The following CD164L2 variants were observed in gnomAD, a reference collection of about 807,000 sequenced individuals.
CD164L2 encodes the protein CD164 molecule like 2.
CD164L2 carries 21 observed loss-of-function variants against 23.9 expected under a neutral mutation model. The ratio of observed to expected loss-of-function variants is 0.88; its 90% CI spans 0.62 to 1.27. The LOEUF is 1.27. Ranked by LOEUF, CD164L2 falls within the 50% of genes most tolerant of loss-of-function variation. The pLI is 0.00. For missense variants in CD164L2, 230 were observed against 224.8 expected, an observed-to-expected ratio of 1.02 and a Z score of -0.15; for synonymous variants, 92 against 90.2, an observed-to-expected ratio of 1.02 and a Z score of -0.11.
At position 27,379,467 on chromosome 1, in the gene CD164L2, C is replaced by T. The variant is rs1196514935; in HGVS notation, c.*36G>A. The T allele has an allele frequency of 2.0e-6, 3 of 1,514,924 alleles. No homozygotes were observed. Among genetic ancestry groups the T allele is most frequent in the Admixed American group, 2.0e-5 (1 of 50,934 alleles). The allele number at this position is 1,514,924 out of a possible 1,614,324, so 93.8% of individuals were successfully genotyped here. A position where few individuals can be genotyped will look rare whatever the true frequency, so the allele number is the denominator to read the frequency against. Reference sequence around the variant, plus strand: ...GCCCAGAGGCCACCCTCTGCATCCTCCTTTCCCCTCAGGATGGAGTCCAGG... The same window carrying T: ...GCCCAGAGGCCACCCTCTGCATCCTTCTTTCCCCTCAGGATGGAGTCCAGG... On this transcript the variant is annotated 3_prime_UTR_variant, in exon 6 of 6. Transcript: ENST00000374030.
At chr1:27,379,878 A>C (rs954075249) in intron 5 of CD164L2, 173 bp downstream of exon 5, 3 of 1,502,250 alleles carry the variant, frequency 2.0e-6, no homozygotes, top group Non-Finnish European at 2.6e-6. Context: ...CTGACAAAGG[A>C]AACACCCCAA....
Position 27,382,121 on chromosome 1 carries a change from T to A in CD164L2, c.328+207A>T. ...ACTAGAAGAAGAGCTAACACTCCCA[T>A]CCCCTCCACACACCTGTACTAATTT... is the stretch of plus-strand genomic sequence containing the variant. On this transcript the variant is annotated intron_variant, in intron 3 of 5. Coordinates refer to ENST00000374030, the MANE Select transcript of CD164L2 (RefSeq NM_001330448.1). 3 of 1,508,112 alleles carry A rather than the reference T, an allele frequency of 2.0e-6. No homozygotes were observed. In the Admixed American group the frequency reaches 6.3e-5, roughly 32 times the overall value. 93.4% of individuals were successfully genotyped at this position (1,508,112 alleles called of 1,614,324 possible). A position where few individuals can be genotyped will look rare whatever the true frequency, so the allele number is the denominator to read the frequency against.
chr1:27,381,875 C>CTT, intron 3 of CD164L2, 51 bp from the exon 4 acceptor site: 1 of 1,607,780 alleles, frequency 6.2e-7, no homozygotes, highest in Non-Finnish European at 8.5e-7. Flanking sequence ...CCCCTGACTC[C>CTT]CATCAAGACC....
At position 27,379,421 on chromosome 1, in the gene CD164L2, C is replaced by A; in HGVS notation, c.*82G>T. Reference sequence around the variant, plus strand: ...CGGCCAGAGTTTTTCCCGCCCCCGCCCCCCGCTTACCCACAAGGGTGCCCA... The same window carrying A: ...CGGCCAGAGTTTTTCCCGCCCCCGCACCCCGCTTACCCACAAGGGTGCCCA... On this transcript the variant is annotated 3_prime_UTR_variant, in exon 6 of 6. Coordinates refer to ENST00000374030, the MANE Select transcript of CD164L2 (RefSeq NM_001330448.1). 9.1e-7 allele frequency: 1 copy of A among 1,095,352 alleles called. No homozygotes were observed. Among genetic ancestry groups the A allele is most frequent in the South Asian group, 1.3e-5 (1 of 74,606 alleles). The allele number at this position is 1,095,352 out of a possible 1,614,324, so 67.9% of individuals were successfully genotyped here.
chr1:27,383,219 G>A lies in CD164L2; in HGVS notation c.21C>T (p.Arg7=). 6.5e-7 allele frequency: 1 copy of A among 1,545,964 alleles called. No individual in the cohort carries two copies. Among genetic ancestry groups the A allele is most frequent in the East Asian group, 2.4e-5 (1 of 40,906 alleles). Residue 7 remains arginine (R), a synonymous_variant, in exon 1 of 6, where the codon CGC becomes CGT. Transcript: ENST00000374030. Reference sequence around the variant, plus strand: ...CGCCACAGAGCGCAGTCCGCAAGGCGCGGGGTCCCGGAGCCTCCATGGGCT... The same window carrying A: ...CGCCACAGAGCGCAGTCCGCAAGGCACGGGGTCCCGGAGCCTCCATGGGCT... MEAPGP[R]ALRTALCGGC...
In CD164L2 at chr1:27,379,324, G is replaced by A. The variant is rs2016294743; in HGVS notation, c.*179C>T. On this transcript the variant is annotated 3_prime_UTR_variant, in exon 6 of 6. Transcript: ENST00000374030. The stretch of plus-strand genomic sequence containing the variant: ...GGGATTTTCTCAGCTGCAGGTTCCA[G>A]GCCCAGGACAGGAGGAGATGTCAGG... The A allele has an allele frequency of 3.2e-6, 2 of 633,802 alleles. No individual in the cohort carries two copies. The highest frequency in any genetic ancestry group is 5.7e-6 in the Non-Finnish European group (2 of 349,514). 39.3% of individuals were successfully genotyped at this position (633,802 alleles called of 1,614,324 possible).
In CD164L2 at chr1:27,381,842, C is replaced by A. The variant is rs1557582348; in HGVS notation, c.329-18G>T. 3 of 1,613,864 alleles carry A rather than the reference C, an allele frequency of 1.9e-6. No individual in the cohort carries two copies. The highest frequency in any genetic ancestry group is 2.5e-6 in the Non-Finnish European group (3 of 1,179,864). On this transcript the variant is annotated intron_variant, in intron 3 of 5. Transcript: ENST00000374030. ...GTGAGCAGCTGAGGAGACAGGTGATCCATAGCAAAGCAGCCTTCCCACCCC... is the reference window on the plus strand; with the variant it reads ...GTGAGCAGCTGAGGAGACAGGTGATACATAGCAAAGCAGCCTTCCCACCCC...
At chr1:27,381,741 T>A in intron 4 of CD164L2, 39 bp downstream of exon 4, 1 of 1,609,960 alleles carries the variant, frequency 6.2e-7, no homozygotes, top group Non-Finnish European at 8.5e-7. Flanking sequence ...CCCCTGCACC[T>A]CTGCTCCTCC....
rs1571096568 is a variant in CD164L2 at position 27,379,504 on chromosome 1, C to T, written c.524G>A (p.Ter175=). Reference sequence around the variant, plus strand: ...GGATGGAGTCCAGGCCCAAAGGGGTCAGATTCTGCAGAGGCCAAAGAGGAC... The same window carrying T: ...GGATGGAGTCCAGGCCCAAAGGGGTTAGATTCTGCAGAGGCCAAAGAGGAC... ...AKDSTYQTLI[*] is the part of the protein sequence containing the mutation. Residue 175 remains the stop codon, a stop_retained_variant, in exon 6 of 6, where the codon TGA becomes TAA. Transcript: ENST00000374030. 1.3e-6 allele frequency: 2 copies of T among 1,550,296 alleles called. No homozygotes were observed. Among genetic ancestry groups the T allele is most frequent in the East Asian group, 4.9e-5 (2 of 40,904 alleles).
chr1:27,380,341 C>T (rs1348969981), intron 4 of CD164L2, 146 bp from the exon 5 acceptor site: 11 of 718,062 alleles, frequency 1.5e-5, no homozygotes, highest in Non-Finnish European at 2.0e-5. Context: ...GTCCAGATCC[C>T]GCAGGCAGTT....
rs1222509476 is a variant in CD164L2, at chr1:27,382,645, C to A, written c.111G>T (p.Gly37=). 6.2e-7 allele frequency: 1 copy of A among 1,612,156 alleles called. No homozygotes were observed. Among genetic ancestry groups the A allele is most frequent in the African/African-American group, 1.3e-5 (1 of 74,952 alleles). Residue 37 remains glycine, a synonymous_variant, in exon 2 of 6, where the codon GGG becomes GGT. Transcript: ENST00000374030. The part of the protein sequence containing the change: ...AVAGKGARGF[G]RGALIRLNIW... The stretch of plus-strand genomic sequence containing the variant: ...TATTCAGGCGGATCAGGGCTCCCCT[C>A]CCAAAGCCTCGAGCTCCTTTACCTG...
chr1:27,382,899 C>G (rs2016367554), intron 1 of CD164L2, among the ~76,000 whole-genome samples: 1 of 152,044 alleles, frequency 6.6e-6, no homozygotes, highest in African/African-American at 2.4e-5. Flanking sequence ...TGCATACACC[C>G]GGGGTTCCCA....
chr1:27,380,536 C>T (rs2016317114), intron 4 of CD164L2, among the ~76,000 whole-genome samples: 4 of 152,168 alleles, frequency 2.6e-5, no homozygotes, highest in African/African-American at 9.7e-5. Context: ...CCTCACCAGC[C>T]CAATAGGGTG....
chr1:27,379,241 C>T lies in CD164L2; in HGVS notation c.*262G>A. 1 of 579,974 alleles carries T rather than the reference C, an allele frequency of 1.7e-6. No individual in the cohort carries two copies. The highest frequency in any genetic ancestry group is 3.1e-6 in the Non-Finnish European group (1 of 323,408). 35.9% of individuals were successfully genotyped at this position (579,974 alleles called of 1,614,324 possible). ...CAGTTGGTGGAAAGAGGCAGGCATACAACCCACTGTCAGGCTGGGGGGCCC... is the reference window on the plus strand; with the variant it reads ...CAGTTGGTGGAAAGAGGCAGGCATATAACCCACTGTCAGGCTGGGGGGCCC... On this transcript the variant is annotated 3_prime_UTR_variant, in exon 6 of 6. Transcript: ENST00000374030.
Position 27,381,966 on chromosome 1 carries a change from C to T in CD164L2, c.329-142G>A. 3.7e-6 allele frequency: 5 copies of T among 1,368,726 alleles called. No homozygotes were observed. The South Asian group carries it at 5.6e-5, about 15-fold the overall frequency. 84.8% of individuals were successfully genotyped at this position (1,368,726 alleles called of 1,614,324 possible). Reference sequence around the variant, plus strand: ...AGACATCCAACATACTTGCAAGCCCCACACAGTTCCCTCCACCAGATGTGC... The same window carrying T: ...AGACATCCAACATACTTGCAAGCCCTACACAGTTCCCTCCACCAGATGTGC... On this transcript the variant is annotated intron_variant, in intron 3 of 5. Transcript: ENST00000374030.
chr1:27,380,696 G>A (rs1357318590), intron 4 of CD164L2, among the ~76,000 whole-genome samples: 1 of 152,216 alleles, frequency 6.6e-6, no homozygotes, highest in Non-Finnish European at 1.5e-5. Context: ...AGAGCCCTCA[G>A]AGAGGGAAGG....
intron 1 of CD164L2, 81 bp from the exon 2 acceptor site, chr1:27,382,748 G>T: frequency 8.0e-7 from 1 of 1,255,368 alleles, no homozygotes; most frequent in Non-Finnish European, 1.0e-6. Flanking sequence ...CCAACACTCC[G>T]GTGGCCCTCG....
intron 4 of CD164L2, among the ~76,000 whole-genome samples, chr1:27,381,232 A>G (rs1012298672): frequency 2.6e-5 from 4 of 152,200 alleles, no homozygotes; most frequent in Non-Finnish European, 5.9e-5. Context: ...GAGGGAGCTG[A>G]GCCATCAATA....
rs1227257537 is a variant in CD164L2 at position 27,383,184 on chromosome 1, C to T, written c.56G>A (p.Cys19Tyr). ...AGCCAGCTGGGCACATAGGAGGAGG[C>T]AGCAACAGCCGCCACAGAGCGCAGT... ...LRTALCGGCC[C>Y]LLLCAQLAVA... Residue 19 changes from cysteine to tyrosine, a missense_variant, in exon 1 of 6, where the codon TGC (cysteine) becomes TAC (tyrosine). Transcript: ENST00000374030. 1.3e-6 allele frequency: 2 copies of T among 1,548,026 alleles called. No homozygotes were observed. Among genetic ancestry groups the T allele is most frequent in the Non-Finnish European group, 1.7e-6 (2 of 1,146,794 alleles).
Sources: gnomAD v4.1 joint callset for allele counts (sites outside exome capture counted in the v4.1 genomes callset) on GRCh38, gnomAD v4.1.1 for gene constraint, MANE v1.5 for transcripts, NCBI Gene and HGNC (gene_info 2026-07-23, HGNC 2026-07-21) for gene names.